Variants in IGF2BP2 observed in about 807,000 individuals in gnomAD.
The protein encoded by IGF2BP2 is insulin like growth factor 2 mRNA binding protein 2.
In IGF2BP2, 17 loss-of-function variants were observed where a neutral mutation model predicts 75.8. That is an observed-to-expected ratio of 0.22 (90% CI 0.15 to 0.34). The LOEUF (loss-of-function observed/expected upper bound fraction) is 0.34. Ranked by LOEUF, IGF2BP2 falls within the 10% of genes least tolerant of loss-of-function variation. The probability of loss-of-function intolerance (pLI) is 1.00; values close to 1 mark genes in which losing one functional copy is unlikely to be tolerated. For synonymous variants in IGF2BP2, 288 were observed against 295.6 expected (o/e 0.97, Z 0.26); for missense variants, 516 against 772.4 (o/e 0.67, Z 3.93).
At chr3:185,667,099 A>C (rs1043648637) in intron 10 of IGF2BP2, among the ~76,000 whole-genome samples, 5 of 152,262 alleles carry the variant, frequency 3.3e-5, no homozygotes, top group Admixed American at 1.3e-4. Flanking sequence ...AATTTGATTT[A>C]GTGAATGAGA....
chr3:185,688,013 G>C (rs1159641751), intron 6 of IGF2BP2, among the ~76,000 whole-genome samples: 1 of 151,816 alleles, frequency 6.6e-6, no homozygotes, highest in Admixed American at 6.6e-5. Context: ...TGGAGGAAAA[G>C]CCAGGGCTGA....
intron 2 of IGF2BP2, among the ~76,000 whole-genome samples, chr3:185,711,437 C>T (rs147724672): frequency 7.2e-5 from 11 of 152,288 alleles, no homozygotes; most frequent in Admixed American, 3.3e-4. Context: ...TTCCTTCCAG[C>T]GGCTGATTCA....
intron 2 of IGF2BP2, among the ~76,000 whole-genome samples, chr3:185,726,944 C>T (rs912110117): frequency 6.6e-6 from 1 of 152,184 alleles, no homozygotes; most frequent in Non-Finnish European, 1.5e-5. Flanking sequence ...GGAGGCCGAG[C>T]ACGGTGGCTC....
intron 2 of IGF2BP2, among the ~76,000 whole-genome samples, chr3:185,773,925 T>C (rs1578257204): frequency 6.6e-6 from 1 of 152,230 alleles, no homozygotes; most frequent in Non-Finnish European, 1.5e-5. Context: ...ACAAATACTT[T>C]CTCAGCTCCT....
rs950343972 is a variant in IGF2BP2 at position 185,743,287 on chromosome 3, A to G, written c.240-44940T>C. On this transcript the variant is annotated intron_variant, in intron 2 of 15. Coordinates refer to ENST00000382199, the MANE Select transcript of IGF2BP2 (RefSeq NM_006548.6). ...TATTTTAATTTTTTTATTTTTGTTT[A>G]TTTTTTGAGACAGAGTCTTGCTCTG... is the stretch of plus-strand genomic sequence containing the variant. Among the ~76,000 whole-genome samples the G allele has an allele frequency of 5.3e-5, 8 of 151,952 alleles. No homozygotes were observed. In the South Asian group the frequency reaches 1.5e-3, roughly 28 times the overall value.
chr3:185,792,396 A>G (rs945930200), intron 2 of IGF2BP2, among the ~76,000 whole-genome samples: 2 of 152,192 alleles, frequency 1.3e-5, no homozygotes, highest in Non-Finnish European at 2.9e-5. Flanking sequence ...CTTAAGGCCC[A>G]GGGTTTGAAA....
intron 4 of IGF2BP2, among the ~76,000 whole-genome samples, chr3:185,695,899 T>G (rs567809416): frequency 6.6e-6 from 1 of 152,308 alleles, no homozygotes; most frequent in East Asian, 1.9e-4. Context: ...GCGATTCTCG[T>G]GCCTCAGCCT....
chr3:185,647,199 C>T lies in IGF2BP2; in HGVS notation c.1594-61G>A. 2.5e-6 allele frequency: 3 copies of T among 1,218,856 alleles called. No individual in the cohort carries two copies. In the South Asian group the frequency reaches 3.6e-5, roughly 15 times the overall value. The allele number at this position is 1,218,856 out of a possible 1,614,324, so 75.5% of individuals were successfully genotyped here. ...TCCCTCCCCGTCAACGTGGTGGGCTCAGGACGGAGTGAGGGGCCAAGAGGT... is the reference window on the plus strand; with the variant it reads ...TCCCTCCCCGTCAACGTGGTGGGCTTAGGACGGAGTGAGGGGCCAAGAGGT... On this transcript the variant is annotated intron_variant, in intron 14 of 15. Coordinates refer to ENST00000382199, the MANE Select transcript of IGF2BP2 (RefSeq NM_006548.6). This position sits in a 1 kb window ranked among gnomAD's most constrained non-coding sequence, Gnocchi z 4.9.
intron 2 of IGF2BP2, among the ~76,000 whole-genome samples, chr3:185,804,485 G>A (rs1472027887): frequency 4.0e-5 from 6 of 151,892 alleles, no homozygotes; most frequent in Admixed American, 3.9e-4. Flanking sequence ...ATATATAACT[G>A]ATAAGCTGAA....
At chr3:185,809,495 T>C (rs1032360484) in intron 2 of IGF2BP2, among the ~76,000 whole-genome samples, 1 of 152,178 alleles carries the variant, frequency 6.6e-6, no homozygotes, top group African/African-American at 2.4e-5. Flanking sequence ...CTGGGTACAG[T>C]GGCTCATGCC....
intron 2 of IGF2BP2, among the ~76,000 whole-genome samples, chr3:185,762,223 A>G (rs56236172): frequency 1.4e-3 from 220 of 152,004 alleles, no homozygotes; most frequent in African/African-American, 5.2e-3. Context: ...CCCTGTCTCT[A>G]CTAAAAGAAA....
At chr3:185,810,279 T>C (rs1739625658) in intron 2 of IGF2BP2, among the ~76,000 whole-genome samples, 1 of 152,168 alleles carries the variant, frequency 6.6e-6, no homozygotes, top group African/African-American at 2.4e-5. Context: ...TTTCCTTTCG[T>C]TTAGCCTTAA....
chr3:185,736,182 C>T (rs998566944), intron 2 of IGF2BP2, among the ~76,000 whole-genome samples: 2 of 152,142 alleles, frequency 1.3e-5, no homozygotes, highest in African/African-American at 2.4e-5. Context: ...GCTGCCTTGG[C>T]ACCTCTAGGT....
chr3:185,799,577 T>A (rs1737908895), intron 2 of IGF2BP2, among the ~76,000 whole-genome samples: 1 of 151,642 alleles, frequency 6.6e-6, no homozygotes, highest in Admixed American at 6.6e-5. Context: ...TGAAACCCCG[T>A]CTCTACTAAA....
chr3:185,676,041 G>T, intron 7 of IGF2BP2, 128 bp from the exon 8 acceptor site: 1 of 1,248,894 alleles, frequency 8.0e-7, no homozygotes, highest in Non-Finnish European at 1.1e-6. Context: ...GATGGGATTT[G>T]GGAGAGGTCA....
intron 2 of IGF2BP2, among the ~76,000 whole-genome samples, chr3:185,780,801 T>C (rs1389809743): frequency 6.6e-6 from 1 of 152,200 alleles, no homozygotes; most frequent in African/African-American, 2.4e-5. Context: ...AGAGCACATA[T>C]CGTCCCCATT....
chr3:185,812,754 A>G (rs1036649168), intron 2 of IGF2BP2, among the ~76,000 whole-genome samples: 1 of 152,250 alleles, frequency 6.6e-6, no homozygotes, highest in African/African-American at 2.4e-5. Context: ...GTGGGTAAGA[A>G]GCCAGGATTC....
chr3:185,697,316 T>C (rs1486024482), intron 3 of IGF2BP2, among the ~76,000 whole-genome samples: 1 of 152,118 alleles, frequency 6.6e-6, no homozygotes, highest in East Asian at 1.9e-4. Flanking sequence ...ATGTTGGTCA[T>C]GCTGGTCTCA....
At chr3:185,666,392 G>C (rs1717631713) in intron 10 of IGF2BP2, among the ~76,000 whole-genome samples, 2 of 152,218 alleles carry the variant, frequency 1.3e-5, no homozygotes, top group African/African-American at 4.8e-5. Flanking sequence ...CCAGCACTTT[G>C]AGAGGCCGAG....
Sources: gnomAD v4.1 joint callset for allele counts (sites outside exome capture counted in the v4.1 genomes callset) on GRCh38, gnomAD v4.1.1 for gene constraint, Gnocchi (gnomAD v3.1) non-coding constraint, MANE v1.5 for transcripts, NCBI Gene and HGNC (gene_info 2026-07-23, HGNC 2026-07-21) for gene names.